CNTRL: variants seen among roughly 807,000 people sequenced by gnomAD.
CNTRL encodes the protein 110 kDa centrosomal protein.
In CNTRL, 233 loss-of-function variants were observed where a neutral mutation model predicts 303.7. The ratio of observed to expected loss-of-function variants is 0.77; its 90% confidence interval spans 0.69 to 0.86. The LOEUF (loss-of-function observed/expected upper bound fraction) is 0.86, where lower values mean the gene tolerates loss of function less well. CNTRL is among the 40% of genes least tolerant of loss of function. The probability of loss-of-function intolerance (pLI) is 0.00; values close to 1 mark genes in which losing one functional copy is unlikely to be tolerated. For missense variants in CNTRL, 2,524 were observed against 2,650.6 expected (o/e 0.95, Z 1.05); for synonymous variants, 900 against 922.2 (o/e 0.98, Z 0.44).
chr9:121,091,840 A>C (rs2048584742), intron 4 of CNTRL, among the ~76,000 whole-genome samples: 1 of 149,688 alleles, frequency 6.7e-6, no homozygotes, highest in African/African-American at 2.5e-5. Flanking sequence ...ATGTTCATAC[A>C]GCTGGCTTCT....
chr9:121,106,228 A>T (rs1367892345), intron 7 of CNTRL, among the ~76,000 whole-genome samples: 2 of 151,040 alleles, frequency 1.3e-5, no homozygotes, highest in African/African-American at 4.9e-5. Flanking sequence ...AATCTCAGCT[A>T]TTTGGGAAGC....
chr9:121,088,179 G>T, intron 2 of CNTRL, 117 bp from the exon 3 acceptor site: 1 of 615,536 alleles, frequency 1.6e-6, no homozygotes, highest in South Asian at 2.0e-5. Flanking sequence ...GAGTAGTATG[G>T]GTCCTAGCAT....
chr9:121,145,856 C>T (rs1043694845), intron 22 of CNTRL, among the ~76,000 whole-genome samples: 21 of 152,222 alleles, frequency 1.4e-4, no homozygotes, highest in African/African-American at 4.3e-4. Context: ...GAGATTGGGC[C>T]GCTGCACTCC....
intron 24 of CNTRL, 107 bp downstream of exon 24, chr9:121,148,968 A>C: frequency 9.3e-5 from 93 of 1,002,704 alleles, no homozygotes; most frequent in Non-Finnish European, 1.1e-4. Flanking sequence ...AGCTAGCTCC[A>C]TGAGGTCTTC....
At chr9:121,131,909 T>C (rs1054781161) in intron 14 of CNTRL, among the ~76,000 whole-genome samples, 7 of 152,232 alleles carry the variant, frequency 4.6e-5, no homozygotes, top group African/African-American at 1.7e-4. Flanking sequence ...TTTGGTTGAA[T>C]ATGAGATTCT....
intron 10 of CNTRL, 57 bp downstream of exon 10, chr9:121,113,781 A>C: frequency 8.3e-7 from 1 of 1,203,008 alleles, no homozygotes. Flanking sequence ...TTGAATATGT[A>C]GGCCAATTTT....
At chr9:121,077,932 A>C (rs942278751) in intron 1 of CNTRL, among the ~76,000 whole-genome samples, 7 of 150,160 alleles carry the variant, frequency 4.7e-5, no homozygotes, top group Non-Finnish European at 8.9e-5. Flanking sequence ...GGTGACAGAG[A>C]AAGACCTTGC....
intron 4 of CNTRL, among the ~76,000 whole-genome samples, chr9:121,091,383 A>G (rs1362088798): frequency 2.0e-5 from 3 of 152,232 alleles, no homozygotes; most frequent in Non-Finnish European, 4.4e-5. Context: ...GAAATGCTAT[A>G]AAAGTATTAG....
In CNTRL at chr9:121,148,862, G is replaced by GT. The variant is rs1359489707; in HGVS notation, c.3649+2dup. 6.2e-7 allele frequency: 1 copy of GT among 1,610,762 alleles called. No individual in the cohort carries two copies. Among genetic ancestry groups the GT allele is most frequent in the Non-Finnish European group, 8.5e-7 (1 of 1,178,448 alleles). ...TTACATAAACTGTTTCCAAGTAGAG[G>GT]TAAGTCAAATCACATAGGAAAGTTG... On this transcript the variant is annotated splice_donor_variant, in intron 24 of 43. Transcript: ENST00000373855. LOFTEE classifies it high-confidence loss of function.
At chr9:121,157,922 A>G in intron 29 of CNTRL, 42 bp downstream of exon 29, 1 of 1,613,686 alleles carries the variant, frequency 6.2e-7, no homozygotes, top group South Asian at 1.1e-5. Flanking sequence ...TTTGTGCTGG[A>G]AGACAGCTCT....
intron 2 of CNTRL, among the ~76,000 whole-genome samples, chr9:121,082,790 T>A (rs2048189812): frequency 6.6e-6 from 1 of 151,912 alleles, no homozygotes. Context: ...GCCAATATGG[T>A]GAAACCCCGT....
At chr9:121,169,546 A>T in intron 38 of CNTRL, 65 bp from the exon 39 acceptor site, 2 of 1,482,736 alleles carry the variant, frequency 1.3e-6, no homozygotes, top group South Asian at 1.1e-5. Flanking sequence ...CCACAAGGGA[A>T]GGGGAGCTCT....
chr9:121,106,914 T>C (rs2049504321), intron 7 of CNTRL, among the ~76,000 whole-genome samples: 1 of 152,228 alleles, frequency 6.6e-6, no homozygotes, highest in Non-Finnish European at 1.5e-5. Context: ...GGTTCCTTCA[T>C]GCCTTCAGAT....
chr9:121,115,318 A>G, intron 11 of CNTRL, 118 bp downstream of exon 11: 1 of 530,946 alleles, frequency 1.9e-6, no homozygotes, highest in South Asian at 3.5e-5. Flanking sequence ...TTATGGAATG[A>G]TAAATTTCAG....
At chr9:121,114,841 A>C (rs1348866121) in intron 10 of CNTRL, among the ~76,000 whole-genome samples, 1 of 152,240 alleles carries the variant, frequency 6.6e-6, no homozygotes, top group Non-Finnish European at 1.5e-5. Context: ...AGCCCCTTTC[A>C]TGTTGAGAAT....
At chr9:121,151,670 C>T (rs2052271248) in intron 25 of CNTRL, among the ~76,000 whole-genome samples, 1 of 152,176 alleles carries the variant, frequency 6.6e-6, no homozygotes, top group Non-Finnish European at 1.5e-5. Context: ...GGATTACAGG[C>T]ATGAGTCACT....
chr9:121,144,146 T>A (rs2051692627), intron 20 of CNTRL, 64 bp downstream of exon 20: 1 of 1,374,416 alleles, frequency 7.3e-7, no homozygotes, highest in African/African-American at 1.5e-5. Flanking sequence ...CATGGCAACT[T>A]GTATTATTGA....
At chr9:121,165,229 G>A (rs911416998) in intron 35 of CNTRL, 129 bp downstream of exon 35, 6 of 894,348 alleles carry the variant, frequency 6.7e-6, no homozygotes, top group Admixed American at 3.3e-5. Context: ...TTGTGGTAAT[G>A]TTTGCACAAC....
intron 7 of CNTRL, among the ~76,000 whole-genome samples, chr9:121,107,461 A>G (rs2049531356): frequency 6.6e-6 from 1 of 152,172 alleles, no homozygotes; most frequent in South Asian, 2.1e-4. Context: ...TTTTGCAAAC[A>G]TGTTTGCAGC....
Sources: gnomAD v4.1 joint callset for allele counts (sites outside exome capture counted in the v4.1 genomes callset) on GRCh38, gnomAD v4.1.1 for gene constraint, MANE v1.5 for transcripts, NCBI Gene and HGNC (gene_info 2026-07-23, HGNC 2026-07-21) for gene names.